The following ARL13B variants were observed in gnomAD, a reference collection of about 807,000 sequenced individuals.
ARL13B encodes the protein ARF like GTPase 13B.
In ARL13B, 36 loss-of-function variants were observed where a neutral mutation model predicts 56.1. The observed-to-expected ratio is 0.64, with a 90% CI of 0.49 to 0.85. ARL13B has a LOEUF of 0.85. Ranked by LOEUF, ARL13B falls within the 40% of genes least tolerant of loss-of-function variation. The pLI is 0.00. For missense variants in ARL13B, 519 were observed against 507.1 expected, an observed-to-expected ratio of 1.02 and a Z score of -0.23; for synonymous variants, 178 against 171.1, an observed-to-expected ratio of 1.04 and a Z score of -0.32.
intron 3 of ARL13B, chr3:94,014,963 C>A (rs1487246981): frequency 9.9e-6 from 16 of 1,613,816 alleles, no homozygotes; most frequent in Non-Finnish European, 1.4e-5. Context: ...TTGATGTATT[C>A]TGCCTGAATT....
At chr3:94,000,241 T>G (rs181531281) in intron 2 of ARL13B, among the ~76,000 whole-genome samples, 40 of 152,320 alleles carry the variant, frequency 2.6e-4, no homozygotes, top group African/African-American at 9.6e-4. Context: ...GTATTTATAC[T>G]GTGGAAATTG....
chr3:94,029,626 C>T (rs1297150372), intron 3 of ARL13B, among the ~76,000 whole-genome samples: 1 of 151,828 alleles, frequency 6.6e-6, no homozygotes, highest in Non-Finnish European at 1.5e-5. Flanking sequence ...CAGATGTGAA[C>T]CACCATGCCC....
At chr3:94,009,235 A>T (rs1274616127) in intron 3 of ARL13B, among the ~76,000 whole-genome samples, 1 of 152,154 alleles carries the variant, frequency 6.6e-6, no homozygotes, top group Admixed American at 6.6e-5. Flanking sequence ...AAAGAAGTTT[A>T]TGACTAAAAA....
intron 3 of ARL13B, among the ~76,000 whole-genome samples, chr3:94,025,316 A>G (rs1350539604): frequency 1.3e-5 from 2 of 152,122 alleles, no homozygotes; most frequent in Non-Finnish European, 1.5e-5. Flanking sequence ...AAACATGGAA[A>G]TAGAATCAGG....
At chr3:94,026,904 G>T (rs1323670875) in intron 3 of ARL13B, among the ~76,000 whole-genome samples, 1 of 152,018 alleles carries the variant, frequency 6.6e-6, no homozygotes, top group South Asian at 2.1e-4. Context: ...TAATCAACTT[G>T]GACAACTTGT....
At chr3:94,026,587 CA>C (rs1309974018) in intron 3 of ARL13B, among the ~76,000 whole-genome samples, 4 of 152,134 alleles carry the variant, frequency 2.6e-5, no homozygotes, top group African/African-American at 9.6e-5. Context: ...CAAAATGAGA[CA>C]AATAAGCATG....
At chr3:94,018,372 G>A (rs1415553236) in intron 3 of ARL13B, among the ~76,000 whole-genome samples, 1 of 152,148 alleles carries the variant, frequency 6.6e-6, no homozygotes, top group African/African-American at 2.4e-5. Flanking sequence ...TAACCCATCA[G>A]CACTTAACAC....
intron 3 of ARL13B, chr3:94,028,465 T>C (rs1576011321): frequency 6.6e-6 from 1 of 152,388 alleles, no homozygotes; most frequent in East Asian, 1.9e-4. Flanking sequence ...GAACAAATTA[T>C]CTAAATCTCT....
chr3:94,018,018 G>A (rs1027842726), intron 3 of ARL13B, among the ~76,000 whole-genome samples: 4 of 152,078 alleles, frequency 2.6e-5, no homozygotes, highest in African/African-American at 9.7e-5. Context: ...AGATAAATAG[G>A]ATATTGACAT....
chr3:94,055,579 G>A lies in ARL13B; in HGVS notation c.*2316G>A, dbSNP rs757759984. 108 of 453,810 alleles carry A rather than the reference G, an allele frequency of 2.4e-4. No homozygotes were observed. The highest frequency in any genetic ancestry group is 4.3e-4 in the Non-Finnish European group (97 of 226,694). 28.1% of individuals were successfully genotyped at this position (453,810 alleles called of 1,614,324 possible). A position where few individuals can be genotyped will look rare whatever the true frequency, so the allele number is the denominator to read the frequency against. ...CAGATATGTTTTTATGTATTTAAAA[G>A]AGGCTCTTGTGTGCCTTTATGTGTA... On this transcript the variant is annotated 3_prime_UTR_variant, in exon 10 of 10. Coordinates refer to ENST00000394222, the MANE Select transcript of ARL13B (RefSeq NM_001174150.2).
At chr3:94,036,883 G>A in intron 5 of ARL13B, 129 bp downstream of exon 5, 1 of 1,065,212 alleles carries the variant, frequency 9.4e-7, no homozygotes, top group Non-Finnish European at 1.4e-6. Context: ...GGTAAATTTT[G>A]TATTTCTGTG....
chr3:94,034,841 C>G (rs1436401565), intron 3 of ARL13B, among the ~76,000 whole-genome samples: 2 of 152,154 alleles, frequency 1.3e-5, no homozygotes, highest in Non-Finnish European at 2.9e-5. Context: ...TACTTAAAAA[C>G]TATTTTAGCA....
intron 2 of ARL13B, among the ~76,000 whole-genome samples, chr3:94,001,164 A>C (rs907720625): frequency 5.3e-5 from 8 of 152,172 alleles, no homozygotes; most frequent in African/African-American, 1.9e-4. Flanking sequence ...TCAAAAAAGG[A>C]TTTATGGGGA....
At chr3:94,050,776 A>G (rs202147422) in intron 8 of ARL13B, 48 bp from the exon 9 acceptor site, 7 of 1,546,854 alleles carry the variant, frequency 4.5e-6, no homozygotes, top group Middle Eastern at 1.7e-4. Flanking sequence ...ACAGACCTAA[A>G]GAAACCTTGT....
At chr3:94,035,807 C>T (rs921681747) in intron 4 of ARL13B, among the ~76,000 whole-genome samples, 1 of 152,128 alleles carries the variant, frequency 6.6e-6, no homozygotes, top group African/African-American at 2.4e-5. Flanking sequence ...CATGGTAGCT[C>T]ATGCCTGTAA....
chr3:94,032,352 C>A (rs2076690601), intron 3 of ARL13B, among the ~76,000 whole-genome samples: 1 of 152,186 alleles, frequency 6.6e-6, no homozygotes, highest in Non-Finnish European at 1.5e-5. Flanking sequence ...CAATGAAATA[C>A]CATCTCACAC....
At position 94,055,637 on chromosome 3, in the gene ARL13B, A is replaced by G. The variant is rs2077131828; in HGVS notation, c.*2374A>G. The stretch of plus-strand genomic sequence containing the variant: ...TATTACGTAGTATACATGATATTGT[A>G]TGTAACTGACTTCAAATATAAAACT... On this transcript the variant is annotated 3_prime_UTR_variant, in exon 10 of 10. Transcript: ENST00000394222. The G allele has an allele frequency of 4.4e-6, 2 of 453,326 alleles. No individual in the cohort carries two copies. The highest frequency in any genetic ancestry group is 3.1e-5 in the South Asian group (2 of 64,366). The allele number at this position is 453,326 out of a possible 1,614,324, so 28.1% of individuals were successfully genotyped here. A position where few individuals can be genotyped will look rare whatever the true frequency, so the allele number is the denominator to read the frequency against.
intron 7 of ARL13B, among the ~76,000 whole-genome samples, chr3:94,047,678 T>C (rs1212349181): frequency 6.6e-6 from 1 of 152,172 alleles, no homozygotes; most frequent in Non-Finnish European, 1.5e-5. Flanking sequence ...CTGTGTAAGC[T>C]GAGACCCCAG....
At chr3:93,998,946 G>A (rs543048424) in intron 2 of ARL13B, among the ~76,000 whole-genome samples, 2 of 143,296 alleles carry the variant, frequency 1.4e-5, no homozygotes, top group South Asian at 2.2e-4. Flanking sequence ...TTTTATTTCC[G>A]TGTGAAATTG....
Sources: gnomAD v4.1 joint callset for allele counts (sites outside exome capture counted in the v4.1 genomes callset) on GRCh38, gnomAD v4.1.1 for gene constraint, MANE v1.5 for transcripts, NCBI Gene and HGNC (gene_info 2026-07-23, HGNC 2026-07-21) for gene names.